The following GLIS3 variants were observed in gnomAD, a reference collection of about 807,000 sequenced individuals.
GLIS3 encodes zinc finger protein GLIS3.
A neutral mutation model predicts 78.6 loss-of-function variants in GLIS3; 53 were observed. That is an observed-to-expected ratio of 0.67 (90% CI 0.54 to 0.85). The LOEUF (loss-of-function observed/expected upper bound fraction) is 0.85. GLIS3 is among the 40% of genes least tolerant of loss of function. The pLI, the probability that GLIS3 is intolerant of heterozygous loss-of-function variation, is 0.00. For missense variants in GLIS3, 1,703 were observed against 1,231.1 expected, an observed-to-expected ratio of 1.38 and a Z score of -5.74; for synonymous variants, 684 against 509.9, an observed-to-expected ratio of 1.34 and a Z score of -4.60.
chr9:4,345,062 C>G (rs1216510644), intron 2 of GLIS3, among the ~76,000 whole-genome samples: 1 of 152,160 alleles, frequency 6.6e-6, no homozygotes, highest in Non-Finnish European at 1.5e-5. Flanking sequence ...AAAATGATTC[C>G]TTTAAACTTA....
At chr9:3,918,483 C>G (rs1297021451) in intron 6 of GLIS3, among the ~76,000 whole-genome samples, 1 of 152,206 alleles carries the variant, frequency 6.6e-6, no homozygotes, top group Non-Finnish European at 1.5e-5. Context: ...TGTAATACAA[C>G]CTAGTGCCTG....
intron 4 of GLIS3, among the ~76,000 whole-genome samples, chr9:4,061,240 G>A (rs1396719415): frequency 2.6e-5 from 3 of 115,460 alleles, no homozygotes; most frequent in Admixed American, 1.2e-4. Flanking sequence ...GACAGGCCCC[G>A]GTGTGTGATG....
At chr9:4,267,902 G>C (rs1443836494) in intron 2 of GLIS3, among the ~76,000 whole-genome samples, 1 of 151,926 alleles carries the variant, frequency 6.6e-6, no homozygotes, top group Non-Finnish European at 1.5e-5. Flanking sequence ...TTGCTATCCA[G>C]ACATCCATCC....
the GLIS3 span, among the ~76,000 whole-genome samples, chr9:4,448,779 T>A: frequency 6.6e-6 from 1 of 152,242 alleles, no homozygotes; most frequent in Non-Finnish European, 1.5e-5. Flanking sequence ...TGGAAGGCTA[T>A]GCTAAATTTT....
the GLIS3 span, among the ~76,000 whole-genome samples, chr9:4,401,081 C>T: frequency 6.6e-6 from 1 of 152,112 alleles, no homozygotes; most frequent in Non-Finnish European, 1.5e-5. Context: ...CCAGCTCAGC[C>T]ACAGTAGGAC....
the GLIS3 span, among the ~76,000 whole-genome samples, chr9:4,353,708 C>G: frequency 0.032 from 4,835 of 152,312 alleles, 120 homozygotes; most frequent in Non-Finnish European, 0.047. Context: ...CTAAACCACA[C>G]AGCAGAATAG....
intron 2 of GLIS3, among the ~76,000 whole-genome samples, chr9:4,334,795 A>G (rs186324272): frequency 9.2e-4 from 140 of 151,898 alleles, no homozygotes; most frequent in Admixed American, 5.2e-3. Flanking sequence ...GTCCAAGGCC[A>G]TTTTGTACTC....
At chr9:4,275,744 C>T (rs1404608710) in intron 2 of GLIS3, among the ~76,000 whole-genome samples, 1 of 151,910 alleles carries the variant, frequency 6.6e-6, no homozygotes, top group Non-Finnish European at 1.5e-5. Flanking sequence ...GCCTGGGGGA[C>T]AGAGCAAGAC....
At chr9:4,055,476 T>C (rs899842939) in intron 4 of GLIS3, among the ~76,000 whole-genome samples, 6 of 152,174 alleles carry the variant, frequency 3.9e-5, no homozygotes, top group Admixed American at 2.6e-4. Flanking sequence ...ACAGAATAAG[T>C]TCTCAGGAGC....
chr9:3,980,305 G>C (rs535865475), intron 4 of GLIS3, among the ~76,000 whole-genome samples: 116 of 152,328 alleles, frequency 7.6e-4, no homozygotes, highest in African/African-American at 2.1e-3. Flanking sequence ...TGAGAAGCAC[G>C]TAAGTGTTGA....
At chr9:4,097,909 A>G (rs1010375187) in intron 4 of GLIS3, among the ~76,000 whole-genome samples, 2 of 151,938 alleles carry the variant, frequency 1.3e-5, no homozygotes, top group Non-Finnish European at 2.9e-5. Flanking sequence ...CATATTTTCA[A>G]TTTTTTTTGT....
intron 2 of GLIS3, among the ~76,000 whole-genome samples, chr9:4,267,944 C>CGTGT (rs757545130): frequency 0.022 from 3,317 of 149,914 alleles, 68 homozygotes; most frequent in East Asian, 0.048. Flanking sequence ...TATAAAAATA[C>CGTGT]CTGTGTGTGT....
At chr9:4,225,149 A>C (rs752104006) in intron 2 of GLIS3, among the ~76,000 whole-genome samples, 1 of 151,842 alleles carries the variant, frequency 6.6e-6, no homozygotes, top group Non-Finnish European at 1.5e-5. Context: ...GAGCTTGCCT[A>C]TATATACAAA....
chr9:4,275,036 T>C (rs542528405), intron 2 of GLIS3, among the ~76,000 whole-genome samples: 11 of 152,230 alleles, frequency 7.2e-5, no homozygotes, highest in Admixed American at 2.6e-4. Context: ...CCACTATCTA[T>C]TGTGTCTTTA....
chr9:4,055,293 T>G (rs1826055992), intron 4 of GLIS3, among the ~76,000 whole-genome samples: 1 of 152,204 alleles, frequency 6.6e-6, no homozygotes, highest in African/African-American at 2.4e-5. Context: ...CTAAGCAGAA[T>G]CTGGCCTCAG....
intron 2 of GLIS3, among the ~76,000 whole-genome samples, chr9:4,219,914 T>A (rs140428180): frequency 6.6e-6 from 1 of 152,134 alleles, no homozygotes; most frequent in Non-Finnish European, 1.5e-5. Flanking sequence ...AGATCTTGGT[T>A]TCTAAATACC....
intron 4 of GLIS3, among the ~76,000 whole-genome samples, chr9:4,091,538 C>T (rs1829504452): frequency 6.9e-6 from 1 of 144,754 alleles, no homozygotes; most frequent in Admixed American, 7.0e-5. Context: ...CACAAACACA[C>T]ACACACACAA....
chr9:3,962,469 G>A (rs1186650943), intron 4 of GLIS3, among the ~76,000 whole-genome samples: 2 of 152,076 alleles, frequency 1.3e-5, no homozygotes, highest in African/African-American at 4.8e-5. Context: ...TCTTTTTAAA[G>A]GGGGTACCAG....
chr9:4,232,849 G>T (rs1822392877), intron 2 of GLIS3, among the ~76,000 whole-genome samples: 2 of 152,106 alleles, frequency 1.3e-5, no homozygotes, highest in Non-Finnish European at 1.5e-5. Context: ...CTAAATAGTG[G>T]TAAGTTAAAA....
Sources: gnomAD v4.1 joint callset for allele counts (sites outside exome capture counted in the v4.1 genomes callset) on GRCh38, gnomAD v4.1.1 for gene constraint, MANE v1.5 for transcripts, NCBI Gene and HGNC (gene_info 2026-07-23, HGNC 2026-07-21) for gene names.